STON2: variants seen among roughly 807,000 people sequenced by gnomAD.
The protein encoded by STON2 is stonin-2.
STON2 carries 29 observed loss-of-function variants against 65.7 expected under a neutral mutation model. The observed-to-expected ratio is 0.44, with a 90% CI of 0.33 to 0.60. The LOEUF (loss-of-function observed/expected upper bound fraction) is 0.60, where lower values mean the gene tolerates loss of function less well. Among genes scored for constraint, STON2 ranks in the 20% least tolerant of loss-of-function variants. STON2 has a pLI of 0.03. For missense variants in STON2, 1,054 were observed against 1,118.1 expected, an observed-to-expected ratio of 0.94 and a Z score of 0.82; for synonymous variants, 404 against 414.2, an observed-to-expected ratio of 0.98 and a Z score of 0.30.
chr14:81,390,022 G>A (rs1347027425), intron 3 of STON2, among the ~76,000 whole-genome samples: 1 of 152,014 alleles, frequency 6.6e-6, no homozygotes, highest in Non-Finnish European at 1.5e-5. Flanking sequence ...TGACCAGCCT[G>A]GCCAACATAA....
At chr14:81,354,260 A>C (rs1289040727) in intron 4 of STON2, among the ~76,000 whole-genome samples, 1 of 152,200 alleles carries the variant, frequency 6.6e-6, no homozygotes, top group Non-Finnish European at 1.5e-5. Flanking sequence ...CAGCTGCCCC[A>C]TCCAAATGCA....
chr14:81,317,711 T>C (rs8006006), intron 5 of STON2, among the ~76,000 whole-genome samples: 123,814 of 152,146 alleles, frequency 0.81, 50,606 homozygotes, highest in African/African-American at 0.84. Flanking sequence ...GAAACTCATA[T>C]CTTTTCACCT....
Position 81,265,685 on chromosome 14 carries a change from CAAT to C in STON2, c.*2726_*2728del, listed in dbSNP as rs924422707. The C allele has an allele frequency of 5.2e-3, 1,589 of 306,484 alleles. No homozygotes were observed. Among genetic ancestry groups the C allele is most frequent in the Middle Eastern group, 7.4e-3 (4 of 538 alleles). 19.0% of individuals were successfully genotyped at this position (306,484 alleles called of 1,614,324 possible). ...TAATAATAATAATAATACTCTGTCT[CAAT>C]AATAATAATAATAATAATTTGTTTG... On this transcript the variant is annotated 3_prime_UTR_variant, in exon 8 of 8. Coordinates refer to ENST00000614646, the MANE Select transcript of STON2 (RefSeq NM_001394390.1).
intron 7 of STON2, 120 bp from the exon 8 acceptor site, chr14:81,268,617 G>T: frequency 8.0e-7 from 1 of 1,243,224 alleles, no homozygotes; most frequent in Non-Finnish European, 1.0e-6. Context: ...TAACATTTTG[G>T]GCGTTAGCCA....
rs528487499 is a variant in STON2, at chr14:81,349,365, T to C, written c.571+21623A>G. ...CTGAGAAGGGACTAATACTCGCATA[T>C]ATTAGGATATCAAACAGCTTAAATG... On this transcript the variant is annotated intron_variant, in intron 4 of 7. Coordinates refer to ENST00000614646, the MANE Select transcript of STON2 (RefSeq NM_001394390.1). Among the ~76,000 whole-genome samples the C allele has an allele frequency of 9.2e-5, 14 of 152,198 alleles. No homozygotes were observed. The South Asian group carries it at 2.5e-3, about 27-fold the overall frequency.
chr14:81,435,944 C>A (rs1902401369), intron 1 of STON2: 1 of 152,282 alleles, frequency 6.6e-6, no homozygotes, highest in Non-Finnish European at 1.5e-5. Flanking sequence ...AGGGGAAGCA[C>A]CGTCCCCAGG....
At chr14:81,408,259 A>G (rs983481035) in intron 2 of STON2, among the ~76,000 whole-genome samples, 1 of 152,180 alleles carries the variant, frequency 6.6e-6, no homozygotes, top group Non-Finnish European at 1.5e-5. Context: ...TTCGACGTTT[A>G]AAAATTTCAT....
intron 6 of STON2, among the ~76,000 whole-genome samples, chr14:81,272,918 G>T (rs1195717117): frequency 6.6e-6 from 1 of 152,202 alleles, no homozygotes; most frequent in Non-Finnish European, 1.5e-5. Flanking sequence ...ATTGCCCGAG[G>T]TCACACAGCC....
At chr14:81,436,191 G>C (rs1566959342) in intron 1 of STON2, 2 of 151,840 alleles carry the variant, frequency 1.3e-5, no homozygotes, top group Non-Finnish European at 1.5e-5. Context: ...GGGCGCCAGG[G>C]GGCACAGCGG....
chr14:81,407,399 G>T (rs1196248254), intron 2 of STON2, among the ~76,000 whole-genome samples: 3 of 152,170 alleles, frequency 2.0e-5, no homozygotes, highest in African/African-American at 4.8e-5. Flanking sequence ...CTCCAGAGCT[G>T]GGAAAATGAT....
intron 4 of STON2, among the ~76,000 whole-genome samples, chr14:81,331,889 G>C (rs1897230656): frequency 6.6e-6 from 1 of 152,180 alleles, no homozygotes; most frequent in Non-Finnish European, 1.5e-5. Flanking sequence ...GTTTAATGAA[G>C]ATTTGGTCTG....
intron 2 of STON2, among the ~76,000 whole-genome samples, chr14:81,421,112 G>C (rs1213143889): frequency 6.6e-6 from 1 of 152,212 alleles, no homozygotes; most frequent in Non-Finnish European, 1.5e-5. Flanking sequence ...ATGAAGCACT[G>C]AGACGGTATG....
At chr14:81,305,705 T>G (rs1246294881) in intron 5 of STON2, among the ~76,000 whole-genome samples, 1 of 152,208 alleles carries the variant, frequency 6.6e-6, no homozygotes, top group Non-Finnish European at 1.5e-5. Flanking sequence ...ACATTCTTAA[T>G]TTACATGTGG....
rs771609327 is a variant in STON2, at chr14:81,277,978, G to A, written c.1504C>T (p.His502Tyr). The change falls in exon 6 of 8, where the codon CAC (histidine) becomes TAC (tyrosine). Residue 502 changes from histidine (H) to tyrosine (Y), a missense_variant. By Grantham distance (83) the His-to-Tyr change is moderately conservative (BLOSUM62 2). Transcript: ENST00000614646. ...PEKKNIMSSR[H>Y]WGPIFVKLTD... Reference sequence around the variant, plus strand: ...AGTTTGACGAAGATCGGTCCCCAGTGCCTGGAGGACATGATGTTTTTCTTC... The same window carrying A: ...AGTTTGACGAAGATCGGTCCCCAGTACCTGGAGGACATGATGTTTTTCTTC... 2 of 1,614,156 alleles carry A rather than the reference G, an allele frequency of 1.2e-6. No individual in the cohort carries two copies. Among genetic ancestry groups the A allele is most frequent in the African/African-American group, 1.3e-5 (1 of 75,040 alleles).
intron 4 of STON2, among the ~76,000 whole-genome samples, chr14:81,363,487 A>C (rs1182543861): frequency 7.3e-6 from 1 of 137,880 alleles, no homozygotes; most frequent in African/African-American, 2.7e-5. Context: ...AAAAAGCTTC[A>C]AACAAAGCAA....
chr14:81,277,723 G>T lies in STON2; in HGVS notation c.1759C>A (p.Leu587Met). The change falls in exon 6 of 8, where the codon CTG becomes ATG. Residue 587 changes from leucine (L) to methionine (M), a missense_variant. Transcript: ENST00000614646. ...AAGTCATCGTAATTGGTGGTGCCCA[G>T]CTTAATCACCTGTTCCCTCTCTGCT... ...HTAEREQVIK[L>M]GTTNYDDFLS... 6.2e-7 allele frequency: 1 copy of T among 1,614,194 alleles called. No homozygotes were observed. Among genetic ancestry groups the T allele is most frequent in the Non-Finnish European group, 8.5e-7 (1 of 1,180,028 alleles).
upstream of STON2, among the ~76,000 whole-genome samples, chr14:81,404,095 C>T (rs552612257): frequency 1.2e-4 from 18 of 152,318 alleles, no homozygotes; most frequent in South Asian, 3.3e-3. Flanking sequence ...GTAGCCTCTT[C>T]AGCTCTTTTG....
intron 4 of STON2, among the ~76,000 whole-genome samples, chr14:81,335,561 C>A (rs920740618): frequency 6.6e-6 from 1 of 152,084 alleles, no homozygotes; most frequent in Non-Finnish European, 1.5e-5. Flanking sequence ...CTGTCAGATA[C>A]CCTGCTGCAG....
At chr14:81,311,855 T>C (rs115755733) in intron 5 of STON2, among the ~76,000 whole-genome samples, 2,536 of 152,324 alleles carry the variant, frequency 0.017, 68 homozygotes, top group African/African-American at 0.051. Context: ...ATTACTTCTG[T>C]TTTGCATATT....
Sources: allele counts gnomAD v4.1 joint callset (sites outside exome capture counted in the v4.1 genomes callset), GRCh38; gene constraint gnomAD v4.1.1; transcripts MANE v1.5; gene names NCBI Gene and HGNC (gene_info 2026-07-23, HGNC 2026-07-21).